DSE: variants seen among roughly 807,000 people sequenced by gnomAD.
DSE encodes the protein dermatan sulfate epimerase.
Under a neutral mutation model 84.4 loss-of-function variants are expected in DSE, and 36 were observed. The observed-to-expected ratio is 0.43, with a 90% CI of 0.33 to 0.56. The LOEUF (loss-of-function observed/expected upper bound fraction) is 0.56. Ranked by LOEUF, DSE falls within the 20% of genes least tolerant of loss-of-function variation. DSE has a pLI of 0.06. For synonymous variants in DSE, 410 were observed against 430.1 expected (o/e 0.95, Z 0.58); for missense variants, 862 against 1,169.6 (o/e 0.74, Z 3.84).
chr6:116,370,682 G>A (rs2114911899), upstream of DSE, among the ~76,000 whole-genome samples: 1 of 152,306 alleles, frequency 6.6e-6, no homozygotes, highest in South Asian at 2.1e-4. Flanking sequence ...GGGTGCGGGT[G>A]GAGTCCGGGC....
chr6:116,377,592 T>A (rs1327253867), intron 1 of DSE, among the ~76,000 whole-genome samples: 1 of 152,192 alleles, frequency 6.6e-6, no homozygotes, highest in Non-Finnish European at 1.5e-5. Context: ...TAGACTGGGG[T>A]ACTGAAAGGG....
intron 2 of DSE, among the ~76,000 whole-genome samples, chr6:116,349,804 C>T (rs2114847713): frequency 6.6e-6 from 1 of 152,278 alleles, no homozygotes; most frequent in Non-Finnish European, 1.5e-5. Context: ...TCTCATTATT[C>T]TTATATTCAG....
intron 1 of DSE, among the ~76,000 whole-genome samples, chr6:116,398,464 C>T (rs533915616): frequency 1.2e-4 from 18 of 152,224 alleles, no homozygotes; most frequent in Non-Finnish European, 2.4e-4. Flanking sequence ...GAAAATGCAC[C>T]CGTGTTATTT....
chr6:116,368,056 T>C (rs983996831), upstream of DSE, among the ~76,000 whole-genome samples: 3 of 152,240 alleles, frequency 2.0e-5, no homozygotes, highest in Admixed American at 6.5e-5. Context: ...ATTTCCTTTG[T>C]TTTTTGACAA....
At chr6:116,368,682 A>T (rs1046803124), upstream of DSE, among the ~76,000 whole-genome samples, 8 of 152,244 alleles carry the variant, frequency 5.3e-5, no homozygotes, top group African/African-American at 1.9e-4. Flanking sequence ...CAAAGCCATT[A>T]AACATCTTTC....
chr6:116,401,307 C>T (rs1781578510), intron 2 of DSE: 1 of 151,942 alleles, frequency 6.6e-6, no homozygotes, highest in Non-Finnish European at 1.5e-5. Context: ...TCCACAAGTC[C>T]AGATTTATTG....
intron 1 of DSE, among the ~76,000 whole-genome samples, chr6:116,373,552 T>C (rs1779740817): frequency 6.6e-6 from 1 of 152,212 alleles, no homozygotes; most frequent in African/African-American, 2.4e-5. Flanking sequence ...TAGTGACTAA[T>C]GTTTGTGTGT....
chr6:116,429,114 G>A (rs1318216891), intron 3 of DSE, among the ~76,000 whole-genome samples: 1 of 152,158 alleles, frequency 6.6e-6, no homozygotes, highest in Non-Finnish European at 1.5e-5. Context: ...CACAGGAAAA[G>A]GATGAAGATA....
intron 1 of DSE, among the ~76,000 whole-genome samples, chr6:116,394,103 C>A (rs1453680618): frequency 6.6e-6 from 1 of 152,172 alleles, no homozygotes; most frequent in Non-Finnish European, 1.5e-5. Context: ...AGTTCTAGTT[C>A]TTTCTCTGAA....
At chr6:116,435,365 C>A (rs114304329) in intron 5 of DSE, among the ~76,000 whole-genome samples, 3 of 152,274 alleles carry the variant, frequency 2.0e-5, no homozygotes, top group Admixed American at 6.5e-5. Flanking sequence ...CGGGCCCAAA[C>A]CCAAGGATCA....
At chr6:116,285,644 G>A (rs2982842) in intron 2 of DSE, among the ~76,000 whole-genome samples, 116,384 of 152,128 alleles carry the variant, frequency 0.77, 45,962 homozygotes, top group East Asian at 1. Flanking sequence ...TAGGGTTTTT[G>A]TGGTTTTAGG....
chr6:116,255,925 T>A (rs1772123063), intron 1 of DSE: 2 of 152,234 alleles, frequency 1.3e-5, no homozygotes, highest in South Asian at 4.1e-4. Context: ...ATATCTCTAC[T>A]ACTCAAAGCA....
At chr6:116,332,670 A>G (rs1171836083) in intron 2 of DSE, among the ~76,000 whole-genome samples, 1 of 152,182 alleles carries the variant, frequency 6.6e-6, no homozygotes, top group African/African-American at 2.4e-5. Flanking sequence ...ACACACAAAA[A>G]AGTACTTACA....
intron 2 of DSE, among the ~76,000 whole-genome samples, chr6:116,260,418 C>A (rs1772362510): frequency 6.6e-6 from 1 of 152,136 alleles, no homozygotes; most frequent in Non-Finnish European, 1.5e-5. Flanking sequence ...AAAATTTTCT[C>A]CCATTCTGTA....
chr6:116,430,533 A>T (rs1783756202), intron 3 of DSE, among the ~76,000 whole-genome samples: 1 of 152,146 alleles, frequency 6.6e-6, no homozygotes, highest in Non-Finnish European at 1.5e-5. Context: ...CTCTTCATTT[A>T]TAGAGTCAAT....
chr6:116,394,003 C>CA (rs144377781), intron 1 of DSE, among the ~76,000 whole-genome samples: 2,863 of 151,990 alleles, frequency 0.019, 90 homozygotes, highest in African/African-American at 0.066. Flanking sequence ...GTAAGGATGG[C>CA]AAAAAAATGG....
At chr6:116,310,165 T>C (rs1775602631) in intron 2 of DSE, among the ~76,000 whole-genome samples, 1 of 152,204 alleles carries the variant, frequency 6.6e-6, no homozygotes, top group Non-Finnish European at 1.5e-5. Context: ...TCCTATGACT[T>C]GTAGGTAACT....
Position 116,437,358 on chromosome 6 carries a change from A to G in DSE, c.*13A>G. 1 of 1,556,332 alleles carries G rather than the reference A, an allele frequency of 6.4e-7. No individual in the cohort carries two copies. The highest frequency in any genetic ancestry group is 8.7e-7 in the Non-Finnish European group (1 of 1,154,570). ...ATCACAGTGTTAGCACTGAAGCTAT[A>G]AATTACCTGGTCATTTTGTGATCAC... On this transcript the variant is annotated 3_prime_UTR_variant, in exon 6 of 6. Coordinates refer to ENST00000644252, the MANE Select transcript of DSE (RefSeq NM_013352.4).
At chr6:116,273,166 T>C (rs1772954471) in intron 2 of DSE, among the ~76,000 whole-genome samples, 1 of 152,254 alleles carries the variant, frequency 6.6e-6, no homozygotes, top group Non-Finnish European at 1.5e-5. Context: ...AAAGCTAGTA[T>C]GCCTTCTCTG....
Sources: gnomAD v4.1 joint callset for allele counts (sites outside exome capture counted in the v4.1 genomes callset) on GRCh38, gnomAD v4.1.1 for gene constraint, MANE v1.5 for transcripts, NCBI Gene and HGNC (gene_info 2026-07-23, HGNC 2026-07-21) for gene names.